The following DIAPH3 variants were observed in gnomAD, a reference collection of about 807,000 sequenced individuals.
The protein encoded by DIAPH3 is diaphanous related formin 3.
Under a neutral mutation model 144.3 loss-of-function variants are expected in DIAPH3, and 117 were observed. The ratio of observed to expected loss-of-function variants is 0.81; its 90% CI spans 0.70 to 0.95. The LOEUF (loss-of-function observed/expected upper bound fraction) is 0.95, where lower values mean the gene tolerates loss of function less well. DIAPH3 is among the 40% of genes least tolerant of loss of function. The pLI is 0.00. For missense variants in DIAPH3, 1,421 were observed against 1,412.7 expected, an observed-to-expected ratio of 1.01 and a Z score of -0.09; for synonymous variants, 519 against 488.9, an observed-to-expected ratio of 1.06 and a Z score of -0.81.
At chr13:59,902,337 CT>C (rs770789812) in intron 20 of DIAPH3, among the ~76,000 whole-genome samples, 3 of 152,096 alleles carry the variant, frequency 2.0e-5, no homozygotes, top group Non-Finnish European at 2.9e-5. Flanking sequence ...CCCCTCCCAC[CT>C]TACTCCTTCT....
intron 1 of DIAPH3, among the ~76,000 whole-genome samples, chr13:60,139,101 C>T (rs1317575020): frequency 1.3e-5 from 2 of 152,206 alleles, no homozygotes; most frequent in Admixed American, 6.5e-5. Context: ...ACTCTCGACA[C>T]ACCTACAGAG....
At chr13:59,997,049 G>T (rs979137275) in intron 9 of DIAPH3, among the ~76,000 whole-genome samples, 1 of 152,054 alleles carries the variant, frequency 6.6e-6, no homozygotes, top group Non-Finnish European at 1.5e-5. Context: ...CATATAAGGT[G>T]CAGTGATCAA....
chr13:59,941,620 C>A (rs1296057315), intron 17 of DIAPH3, among the ~76,000 whole-genome samples: 1 of 152,108 alleles, frequency 6.6e-6, no homozygotes, highest in Admixed American at 6.6e-5. Context: ...GACAAGTGTG[C>A]TTGTGACAAT....
At chr13:60,024,105 T>C (rs1448177904) in intron 5 of DIAPH3, among the ~76,000 whole-genome samples, 2 of 151,986 alleles carry the variant, frequency 1.3e-5, no homozygotes, top group East Asian at 3.9e-4. Context: ...TCCAGCCGCC[T>C]CAGCCTCCCA....
chr13:60,115,089 T>C (rs1051440529), intron 2 of DIAPH3, among the ~76,000 whole-genome samples: 1 of 152,164 alleles, frequency 6.6e-6, no homozygotes, highest in Non-Finnish European at 1.5e-5. Flanking sequence ...ATTAAAATCA[T>C]AAGAAAGAAA....
At chr13:60,016,217 A>G (rs1207503713) in intron 5 of DIAPH3, 72 bp from the exon 6 acceptor site, 2 of 1,313,306 alleles carry the variant, frequency 1.5e-6, no homozygotes, top group African/African-American at 1.5e-5. Flanking sequence ...TATACCTACA[A>G]GTATTTTATA....
intron 23 of DIAPH3, among the ~76,000 whole-genome samples, chr13:59,835,163 T>C (rs1437846870): frequency 6.6e-6 from 1 of 151,838 alleles, no homozygotes; most frequent in Non-Finnish European, 1.5e-5. Context: ...GTGTCTAATA[T>C]ATTTCATAGA....
chr13:60,118,211 A>G (rs902048043), intron 2 of DIAPH3, among the ~76,000 whole-genome samples: 2 of 152,198 alleles, frequency 1.3e-5, no homozygotes, highest in African/African-American at 2.4e-5. Context: ...TTTAAATAAA[A>G]TTAATTAAAC....
intron 18 of DIAPH3, among the ~76,000 whole-genome samples, chr13:59,922,596 ACT>A (rs1021653852): frequency 6.6e-6 from 1 of 151,972 alleles, no homozygotes; most frequent in African/African-American, 2.4e-5. Flanking sequence ...GACTCTCAAA[ACT>A]CTAAATTTCA....
chr13:59,699,763 T>C (rs1235145515), intron 27 of DIAPH3, among the ~76,000 whole-genome samples: 1 of 152,192 alleles, frequency 6.6e-6, no homozygotes, highest in African/African-American at 2.4e-5. Flanking sequence ...TTCTAATCTT[T>C]AAATTAGGTG....
At chr13:59,964,058 G>T (rs1318538213) in intron 17 of DIAPH3, among the ~76,000 whole-genome samples, 8 of 152,186 alleles carry the variant, frequency 5.3e-5, no homozygotes, top group African/African-American at 1.4e-4. Flanking sequence ...TTGCCCTGGT[G>T]AAATGGAGAG....
chr13:59,697,491 A>AAAAAAAAAAAAAAAAAAAAAAAAG (rs1555274392), intron 27 of DIAPH3, among the ~76,000 whole-genome samples: 3 of 78,022 alleles, frequency 3.8e-5, no homozygotes, highest in African/African-American at 1.3e-4. Context: ...AAAAAAAAAA[A>AAAAAAAAAAAAAAAAAAAAAAAAG]AAGAAGAGGG....
At chr13:59,820,155 T>C (rs965724044) in intron 24 of DIAPH3, among the ~76,000 whole-genome samples, 4 of 151,990 alleles carry the variant, frequency 2.6e-5, no homozygotes, top group African/African-American at 9.6e-5. Flanking sequence ...CTTATATCAA[T>C]TATATATGCT....
chr13:60,016,973 A>G (rs1368338293), intron 5 of DIAPH3, among the ~76,000 whole-genome samples: 1 of 152,232 alleles, frequency 6.6e-6, no homozygotes, highest in Non-Finnish European at 1.5e-5. Context: ...CCAATAAATA[A>G]TAACAATGAT....
chr13:59,748,471 C>A lies in DIAPH3; in HGVS notation c.3319+25718G>T, dbSNP rs368961432. On this transcript the variant is annotated intron_variant, in intron 27 of 27. Transcript: ENST00000400324. ...CCTGTGCTCAGAACCCTATGGGAGACCCAACCATGTTTCTGGTTGTTAATA... is the reference window on the plus strand; with the variant it reads ...CCTGTGCTCAGAACCCTATGGGAGAACCAACCATGTTTCTGGTTGTTAATA... Among the ~76,000 whole-genome samples the A allele has an allele frequency of 3.3e-5, 5 of 152,320 alleles. No individual in the cohort carries two copies. In the East Asian group the frequency reaches 9.7e-4, roughly 29 times the overall value.
intron 27 of DIAPH3, among the ~76,000 whole-genome samples, chr13:59,698,440 T>A (rs917450428): frequency 1.3e-5 from 2 of 152,142 alleles, no homozygotes; most frequent in African/African-American, 4.8e-5. Flanking sequence ...ATAAATGAAG[T>A]AACAACAGAC....
chr13:60,066,297 TATCTAATTTCTG>T (rs1400968261), intron 4 of DIAPH3, among the ~76,000 whole-genome samples: 1 of 152,190 alleles, frequency 6.6e-6, no homozygotes, highest in Non-Finnish European at 1.5e-5. Context: ...ATAAATGTTA[TATCTAATTTCTG>T]ATGAAACAAT....
At chr13:59,914,714 T>C (rs1457657113) in intron 19 of DIAPH3, among the ~76,000 whole-genome samples, 1 of 152,134 alleles carries the variant, frequency 6.6e-6, no homozygotes, top group Admixed American at 6.5e-5. Flanking sequence ...GGAATGGTTC[T>C]ACAAGCCATA....
chr13:60,115,547 A>C (rs1235123712), intron 2 of DIAPH3, among the ~76,000 whole-genome samples: 2 of 152,144 alleles, frequency 1.3e-5, no homozygotes, highest in African/African-American at 4.8e-5. Context: ...TGTGCGGTAC[A>C]GTTAATTTTA....
Sources: allele counts gnomAD v4.1 joint callset (sites outside exome capture counted in the v4.1 genomes callset), GRCh38; gene constraint gnomAD v4.1.1; transcripts MANE v1.5; gene names NCBI Gene and HGNC (gene_info 2026-07-23, HGNC 2026-07-21).